Variants in CPSF6 observed in about 807,000 individuals in gnomAD.
The protein encoded by CPSF6 is cleavage and polyadenylation specificity factor subunit 6.
In CPSF6, 10 loss-of-function variants were observed where a neutral mutation model predicts 56.7. That is an observed-to-expected ratio of 0.18 (90% CI 0.11 to 0.30). CPSF6 has a LOEUF of 0.30. Ranked by LOEUF, CPSF6 falls within the 10% of genes least tolerant of loss-of-function variation. The pLI is 1.00. For synonymous variants in CPSF6, 248 were observed against 244.8 expected (o/e 1.01, Z -0.12); for missense variants, 419 against 722.9 (o/e 0.58, Z 4.82).
At chr12:69,250,867 G>C (rs1217901331) in intron 1 of CPSF6, among the ~76,000 whole-genome samples, 1 of 151,938 alleles carries the variant, frequency 6.6e-6, no homozygotes, top group African/African-American at 2.4e-5. Flanking sequence ...GGCTGGTCTC[G>C]AACTCCTGAC....
At chr12:69,239,915 CGG>C (rs2120380219) in intron 1 of CPSF6, among the ~76,000 whole-genome samples, 1 of 149,542 alleles carries the variant, frequency 6.7e-6, no homozygotes, top group South Asian at 2.1e-4. Flanking sequence ...CGAGTCGCCG[CGG>C]GGCCCGGAGC....
chr12:69,260,343 T>TA, intron 8 of CPSF6, 146 bp downstream of exon 8: 2 of 616,040 alleles, frequency 3.2e-6, no homozygotes, highest in South Asian at 2.1e-5. Flanking sequence ...CTCTAAATGT[T>TA]AGTTGCTTGC....
chr12:69,253,960 TTTC>T (rs751915878), intron 3 of CPSF6, among the ~76,000 whole-genome samples: 6 of 152,170 alleles, frequency 3.9e-5, no homozygotes, highest in Admixed American at 1.3e-4. Context: ...GATAAAGAAT[TTTC>T]TTATTTCTTA....
At chr12:69,240,611 A>T (rs1871563961) in intron 1 of CPSF6, among the ~76,000 whole-genome samples, 1 of 152,134 alleles carries the variant, frequency 6.6e-6, no homozygotes, top group Admixed American at 6.5e-5. Context: ...CGTTCACCCC[A>T]AATCCTTATG....
At position 69,258,730 on chromosome 12, in the gene CPSF6, T is replaced by C; in HGVS notation, c.835T>C (p.Phe279Leu). ...RGDRPPPPVL[F>L]PGQPFGQPPL... ...AGATCGCCCTCCACCACCAGTTCTT[T>C]TTCCTGGACAACCTTTTGGGCAGCC... Residue 279 changes from phenylalanine to leucine, a missense_variant, in exon 6 of 10, where the codon TTT becomes CTT. Phe to Leu is a conservative substitution (Grantham distance 22). This residue lies in a region of CPSF6 where 211 missense variants were observed against 296.0 expected (regional missense o/e 0.71). Coordinates refer to ENST00000435070, the MANE Select transcript of CPSF6 (RefSeq NM_007007.3). This position sits in a 1 kb window ranked among gnomAD's most constrained non-coding sequence, Gnocchi z 4.2. The C allele has an allele frequency of 1.9e-6, 3 of 1,613,970 alleles. No individual in the cohort carries two copies. The highest frequency in any genetic ancestry group is 1.7e-5 in the Admixed American group (1 of 60,014).
At chr12:69,263,858 A>G (rs972409481) in intron 9 of CPSF6, among the ~76,000 whole-genome samples, 1 of 152,070 alleles carries the variant, frequency 6.6e-6, no homozygotes, top group African/African-American at 2.4e-5. Flanking sequence ...GCTGGTTTTG[A>G]TACTTTGCAT....
chr12:69,267,598 T>G (rs1279377794), intron 9 of CPSF6, among the ~76,000 whole-genome samples: 2 of 151,956 alleles, frequency 1.3e-5, no homozygotes, highest in African/African-American at 4.8e-5. Context: ...CTTAGACATT[T>G]GAGAGTATAA....
At position 69,239,610 on chromosome 12, in the gene CPSF6, A is replaced by G; in HGVS notation, c.-37A>G. On this transcript the variant is annotated 5_prime_UTR_variant, in exon 1 of 10. Transcript: ENST00000435070. Reference sequence around the variant, plus strand: ...CTGCCGCGGCGGGCAGACCTGCAGGAGGCGGCGGCGGCGGCGGCGGCCGAG... The same window carrying G: ...CTGCCGCGGCGGGCAGACCTGCAGGGGGCGGCGGCGGCGGCGGCGGCCGAG... The G allele has an allele frequency of 6.8e-7, 1 of 1,472,200 alleles. No homozygotes were observed. Among genetic ancestry groups the G allele is most frequent in the African/African-American group, 1.5e-5 (1 of 68,396 alleles). The allele number at this position is 1,472,200 out of a possible 1,614,324, so 91.2% of individuals were successfully genotyped here. A position where few individuals can be genotyped will look rare whatever the true frequency, so the allele number is the denominator to read the frequency against.
intron 9 of CPSF6, among the ~76,000 whole-genome samples, chr12:69,264,009 ATT>A (rs1334681450): frequency 6.6e-6 from 1 of 152,082 alleles, no homozygotes; most frequent in African/African-American, 2.4e-5. Context: ...TGAAATTGAT[ATT>A]GTTTTTGAAT....
chr12:69,252,169 G>A (rs997778570), intron 2 of CPSF6: 1 of 444,004 alleles, frequency 2.3e-6, no homozygotes, highest in African/African-American at 2.0e-5. Flanking sequence ...CAAACTCCTG[G>A]GCTGAAGTGA....
At chr12:69,251,818 C>T (rs35583275) in intron 2 of CPSF6, among the ~76,000 whole-genome samples, 9,837 of 151,936 alleles carry the variant, frequency 0.065, 628 homozygotes, top group South Asian at 0.29. Context: ...CACTTCTGTG[C>T]GTATTATATT....
intron 3 of CPSF6, 140 bp downstream of exon 3, chr12:69,253,294 G>A (rs905945030): frequency 3.4e-5 from 16 of 465,044 alleles, no homozygotes; most frequent in African/African-American, 3.1e-4. Flanking sequence ...TTGGAAGGAG[G>A]TTCTTGGGCA....
At position 69,273,128 on chromosome 12, in the gene CPSF6, A is replaced by G; in HGVS notation, c.*3620A>G. On this transcript the variant is annotated 3_prime_UTR_variant, in exon 10 of 10. Transcript: ENST00000435070. ...AGTTTCATTGTAAGTTGAAATAGAA[A>G]ATGTATTAAAATGTCTAGGCTTCTG... The G allele has an allele frequency of 2.2e-6, 1 of 460,014 alleles. No individual in the cohort carries two copies. The highest frequency in any genetic ancestry group is 1.7e-5 in the South Asian group (1 of 59,854). 28.5% of individuals were successfully genotyped at this position (460,014 alleles called of 1,614,324 possible).
At chr12:69,263,882 A>G (rs1872855369) in intron 9 of CPSF6, among the ~76,000 whole-genome samples, 1 of 152,096 alleles carries the variant, frequency 6.6e-6, no homozygotes, top group African/African-American at 2.4e-5. Flanking sequence ...GAATATGCAG[A>G]TTGAATATCA....
chr12:69,244,680 A>G (rs948323913), intron 1 of CPSF6, among the ~76,000 whole-genome samples: 5 of 148,798 alleles, frequency 3.4e-5, no homozygotes, highest in Non-Finnish European at 5.9e-5. Context: ...ACAGGCATGA[A>G]CGACTGAACC....
intron 2 of CPSF6, among the ~76,000 whole-genome samples, chr12:69,251,545 C>T (rs2120503923): frequency 6.6e-6 from 1 of 152,104 alleles, no homozygotes; most frequent in East Asian, 1.9e-4. Flanking sequence ...GGTCATTCAA[C>T]TTTTCTTGGT....
intron 1 of CPSF6, among the ~76,000 whole-genome samples, chr12:69,244,230 C>CT (rs374963527): frequency 2.9e-4 from 44 of 152,012 alleles, no homozygotes; most frequent in African/African-American, 9.2e-4. Flanking sequence ...AAACTTACTT[C>CT]TTTTTTTTGT....
intron 9 of CPSF6, among the ~76,000 whole-genome samples, chr12:69,265,420 TAAC>T (rs1240993402): frequency 6.6e-6 from 1 of 152,180 alleles, no homozygotes; most frequent in Non-Finnish European, 1.5e-5. Context: ...AAATTTGTGT[TAAC>T]AATTCAGCTT....
intron 1 of CPSF6, among the ~76,000 whole-genome samples, chr12:69,249,160 G>A (rs905826810): frequency 2.8e-5 from 2 of 72,702 alleles, no homozygotes; most frequent in East Asian, 8.0e-4. Flanking sequence ...CTCGGGGGGG[G>A]GGGGGGGGGC....
Sources: gnomAD v4.1 joint callset for allele counts (sites outside exome capture counted in the v4.1 genomes callset) on GRCh38, gnomAD v4.1.1 for gene constraint, gnomAD v4.1.1 regional missense constraint, Gnocchi (gnomAD v3.1) non-coding constraint, MANE v1.5 for transcripts, NCBI Gene and HGNC (gene_info 2026-07-23, HGNC 2026-07-21) for gene names.